LOC400499: variants seen among roughly 807,000 people sequenced by gnomAD.
chr16:11,379,560 TC>T, the LOC400499 span, among the ~76,000 whole-genome samples: 3 of 152,252 alleles, frequency 2.0e-5, no homozygotes, highest in Non-Finnish European at 2.9e-5. Flanking sequence ...TTAAAGATTA[TC>T]ATTCTGATGC....
chr16:11,439,059 T>C, the LOC400499 span, among the ~76,000 whole-genome samples: 9 of 152,148 alleles, frequency 5.9e-5, no homozygotes, highest in Non-Finnish European at 8.8e-5. Flanking sequence ...GCACACACCA[T>C]GCACAGCCTG....
chr16:11,401,988 G>C, the LOC400499 span: 1 of 398,996 alleles, frequency 2.5e-6, no homozygotes, highest in Admixed American at 4.4e-5. Context: ...CAGCCTGCAG[G>C]GTGGAGTTCA....
chr16:11,491,665 G>A, the LOC400499 span: 2 of 344,474 alleles, frequency 5.8e-6, no homozygotes, highest in East Asian at 8.3e-5. Context: ...CCCCACCCCT[G>A]CCCACACCCC....
At chr16:11,390,159 C>T in the LOC400499 span, 22 of 1,232,250 alleles carry the variant, frequency 1.8e-5, no homozygotes, top group African/African-American at 4.7e-5. Context: ...CTTCAGTGCC[C>T]GTGAGAACGT....
At chr16:11,491,812 C>G in the LOC400499 span, 1 of 398,946 alleles carries the variant, frequency 2.5e-6, no homozygotes, top group Non-Finnish European at 4.4e-6. Context: ...GCATCCTCCT[C>G]CAGGGATTGG....
At chr16:11,518,335 G>A in the LOC400499 span, among the ~76,000 whole-genome samples, 1 of 152,286 alleles carries the variant, frequency 6.6e-6, no homozygotes, top group African/African-American at 2.4e-5. Context: ...TGAGCTTTGA[G>A]GCCACCGAGG....
At chr16:11,441,682 C>G in the LOC400499 span, among the ~76,000 whole-genome samples, 2 of 152,122 alleles carry the variant, frequency 1.3e-5, no homozygotes, top group Non-Finnish European at 2.9e-5. Context: ...GAGACGGAGG[C>G]AGGAGGGTCA....
the LOC400499 span, among the ~76,000 whole-genome samples, chr16:11,488,465 G>A: frequency 1.3e-5 from 2 of 152,044 alleles, no homozygotes; most frequent in African/African-American, 4.8e-5. Context: ...TGTCACCCAC[G>A]CTGGAGTGCA....
At chr16:11,515,433 G>C in the LOC400499 span, among the ~76,000 whole-genome samples, 1 of 152,016 alleles carries the variant, frequency 6.6e-6, no homozygotes, top group Non-Finnish European at 1.5e-5. Context: ...TCCAGCCTGG[G>C]TGACAGAGTG....
chr16:11,391,586 A>G, the LOC400499 span: 1 of 1,156,988 alleles, frequency 8.6e-7, no homozygotes, highest in East Asian at 3.2e-5. Context: ...CCACAGGCCA[A>G]TGTGAGCGCT....
At chr16:11,396,718 C>A in the LOC400499 span, 4 of 1,227,604 alleles carry the variant, frequency 3.3e-6, no homozygotes, top group Non-Finnish European at 4.1e-6. Flanking sequence ...ACAGGGGTGG[C>A]AGCTTCCTCT....
the LOC400499 span, chr16:11,449,023 CG>C: frequency 6.6e-7 from 1 of 1,520,150 alleles, no homozygotes; most frequent in Admixed American, 2.0e-5. Flanking sequence ...GCATGGATCT[CG>C]CCCTGCACTG....
chr16:11,397,613 T>C, the LOC400499 span, among the ~76,000 whole-genome samples: 1 of 152,178 alleles, frequency 6.6e-6, no homozygotes, highest in Non-Finnish European at 1.5e-5. Flanking sequence ...AGGATTCATT[T>C]ACATATTGTC....
At chr16:11,473,318 A>G in the LOC400499 span, 1 of 151,390 alleles carries the variant, frequency 6.6e-6, no homozygotes, top group Non-Finnish European at 1.5e-5. Flanking sequence ...TCTTCATTAA[A>G]TAGAGCCCTC....
At chr16:11,397,781 G>GGATGGATGGATGGAT in the LOC400499 span, among the ~76,000 whole-genome samples, 26 of 109,156 alleles carry the variant, frequency 2.4e-4, 1 homozygote, top group African/African-American at 7.4e-4. Context: ...GATGGAGGGA[G>GGATGGATGGATGGAT]GGAGGGAGGG....
the LOC400499 span, among the ~76,000 whole-genome samples, chr16:11,429,656 T>G: frequency 4.4e-3 from 677 of 152,172 alleles, 3 homozygotes; most frequent in African/African-American, 0.015. Context: ...GTGTTTTCAG[T>G]AGCGACGGGG....
chr16:11,382,596 G>GAGAGCAGAGAGAAAACA, the LOC400499 span, among the ~76,000 whole-genome samples: 1 of 152,160 alleles, frequency 6.6e-6, no homozygotes, highest in Non-Finnish European at 1.5e-5. Flanking sequence ...ATTGTGGTGT[G>GAGAGCAGAGAGAAAACA]AGAGCAGAGA....
the LOC400499 span, chr16:11,460,489 G>T: frequency 6.5e-7 from 1 of 1,528,692 alleles, no homozygotes; most frequent in South Asian, 1.2e-5. Flanking sequence ...TGTGGCTGAA[G>T]GCTAGGATCT....
At chr16:11,478,464 A>G in the LOC400499 span, 4 of 398,718 alleles carry the variant, frequency 1.0e-5, 1 homozygote, top group Non-Finnish European at 1.8e-5. Context: ...TCCAAATTTC[A>G]TGCCCTTAAG....
Sources: gnomAD v4.1 joint callset for allele counts (sites outside exome capture counted in the v4.1 genomes callset) on GRCh38, gnomAD v4.1.1 for gene constraint, MANE v1.5 for transcripts.